Variants in MEGF10 observed in about 807,000 individuals in gnomAD.
MEGF10 encodes the protein multiple EGF like domains 10, also known as multiple epidermal growth factor-like domains protein 10.
Under a neutral mutation model 147.5 loss-of-function variants are expected in MEGF10, and 86 were observed. The observed-to-expected ratio is 0.58, with a 90% CI of 0.49 to 0.70. The LOEUF (loss-of-function observed/expected upper bound fraction) is 0.70, where lower values mean the gene tolerates loss of function less well. Ranked by LOEUF, MEGF10 falls within the 30% of genes least tolerant of loss-of-function variation. The pLI is 0.00. For missense variants in MEGF10, 1,329 were observed against 1,487.3 expected, an observed-to-expected ratio of 0.89 and a Z score of 1.75; for synonymous variants, 478 against 525.5, an observed-to-expected ratio of 0.91 and a Z score of 1.24.
At chr5:127,230,634 A>G in the MEGF10 span, among the ~76,000 whole-genome samples, 1 of 152,212 alleles carries the variant, frequency 6.6e-6, no homozygotes, top group Non-Finnish European at 1.5e-5. Context: ...GTTATATTCC[A>G]GGCTCCTTAC....
intron 1 of MEGF10, among the ~76,000 whole-genome samples, chr5:127,312,083 C>T (rs1760312242): frequency 6.6e-6 from 1 of 152,198 alleles, no homozygotes; most frequent in African/African-American, 2.4e-5. Context: ...TCAGCCCCCA[C>T]CTCGTCTCGC....
intron 1 of MEGF10, among the ~76,000 whole-genome samples, chr5:127,300,784 A>G: frequency 6.6e-6 from 1 of 152,188 alleles, no homozygotes; most frequent in East Asian, 1.9e-4. Flanking sequence ...ACAGTCAGAG[A>G]GCTGTGTGTC....
Position 127,339,239 on chromosome 5 carries a change from ATG to A in MEGF10, c.218+20_218+21del, listed in dbSNP as rs1296633819. ...CGGCACAGGTAATAGAAGCTCAGGC[ATG>A]TTTGTGAGTTTGGCTAACTGGGAAT... On this transcript the variant is annotated intron_variant, in intron 3 of 24. Coordinates refer to ENST00000503335, the MANE Select transcript of MEGF10 (RefSeq NM_001256545.2). 1 of 1,569,070 alleles carries A rather than the reference ATG, an allele frequency of 6.4e-7. No homozygotes were observed.
At chr5:127,248,975 A>C in the MEGF10 span, among the ~76,000 whole-genome samples, 3 of 152,020 alleles carry the variant, frequency 2.0e-5, no homozygotes, top group African/African-American at 7.2e-5. Flanking sequence ...AGAAATGCTA[A>C]AGAAAGTTCA....
intron 7 of MEGF10, 79 bp from the exon 8 acceptor site, chr5:127,402,467 C>T (rs1764168535): frequency 2.2e-5 from 32 of 1,478,028 alleles, no homozygotes; most frequent in South Asian, 4.2e-5. Context: ...TTTCTATTTC[C>T]TCTCTTTTCT....
intron 4 of MEGF10, among the ~76,000 whole-genome samples, chr5:127,354,018 T>C (rs1294689733): frequency 6.6e-6 from 1 of 152,236 alleles, no homozygotes; most frequent in Non-Finnish European, 1.5e-5. Context: ...GATTTCCTGT[T>C]CTTAACAGAA....
chr5:127,265,203 T>C, the MEGF10 span, among the ~76,000 whole-genome samples: 2 of 152,192 alleles, frequency 1.3e-5, no homozygotes, highest in Non-Finnish European at 2.9e-5. Context: ...TTGCTGAGAA[T>C]GATGGTTTCC....
intron 18 of MEGF10, among the ~76,000 whole-genome samples, chr5:127,442,745 T>C (rs911757881): frequency 6.6e-6 from 1 of 152,184 alleles, no homozygotes; most frequent in Admixed American, 6.5e-5. Flanking sequence ...TAGAGGTAAG[T>C]ATGTAGCAGC....
chr5:127,398,998 C>CT (rs1452341534), intron 7 of MEGF10, among the ~76,000 whole-genome samples: 4 of 152,196 alleles, frequency 2.6e-5, no homozygotes, highest in Non-Finnish European at 5.9e-5. Context: ...TAGTCCTAGA[C>CT]TTGAAGTGCA....
the MEGF10 span, among the ~76,000 whole-genome samples, chr5:127,282,959 T>C: frequency 5.3e-5 from 8 of 152,216 alleles, no homozygotes; most frequent in African/African-American, 1.9e-4. Context: ...ACCAGATTGG[T>C]TCAGCTCTGA....
chr5:127,384,349 G>A (rs1763357122), intron 5 of MEGF10, among the ~76,000 whole-genome samples: 1 of 152,178 alleles, frequency 6.6e-6, no homozygotes, highest in Non-Finnish European at 1.5e-5. Flanking sequence ...ATAAAAATAT[G>A]ACAAGACTTT....
chr5:127,435,521 G>A (rs750427784), intron 16 of MEGF10, 32 bp downstream of exon 16: 2 of 1,576,158 alleles, frequency 1.3e-6, no homozygotes, highest in Admixed American at 1.8e-5. Context: ...TTAATAAACT[G>A]TTCTTATTTG....
chr5:127,440,993 T>C, intron 18 of MEGF10, 126 bp downstream of exon 18: 1 of 1,251,306 alleles, frequency 8.0e-7, no homozygotes, highest in South Asian at 1.4e-5. Context: ...GGCTGGTTAC[T>C]TCTCAGCATG....
intron 4 of MEGF10, among the ~76,000 whole-genome samples, chr5:127,345,672 T>C (rs747336104): frequency 2.6e-5 from 4 of 152,170 alleles, no homozygotes; most frequent in Admixed American, 6.6e-5. Context: ...AATTTAGACA[T>C]GTTTCATTAT....
chr5:127,246,964 TA>T, the MEGF10 span, among the ~76,000 whole-genome samples: 1 of 1,876 alleles, frequency 5.3e-4, no homozygotes, highest in Non-Finnish European at 1.2e-3. Context: ...AAATAATATA[TA>T]ATAATATATG....
chr5:127,298,783 G>A (rs1232965859), intron 1 of MEGF10, among the ~76,000 whole-genome samples: 3 of 152,148 alleles, frequency 2.0e-5, no homozygotes, highest in East Asian at 1.9e-4. Context: ...GTAACACAAC[G>A]CTGTTCATGT....
chr5:127,381,969 C>T (rs372946525), intron 5 of MEGF10, among the ~76,000 whole-genome samples: 5 of 152,176 alleles, frequency 3.3e-5, no homozygotes, highest in Non-Finnish European at 7.3e-5. Flanking sequence ...CCGCACCCAG[C>T]CTGTTCTGGT....
chr5:127,432,967 G>C (rs1195037460), intron 13 of MEGF10, among the ~76,000 whole-genome samples: 1 of 151,986 alleles, frequency 6.6e-6, no homozygotes, highest in African/African-American at 2.4e-5. Flanking sequence ...ACTGTTCATT[G>C]CCTTATCCTT....
chr5:127,447,322 C>G (rs953038949), intron 20 of MEGF10, among the ~76,000 whole-genome samples: 1 of 152,090 alleles, frequency 6.6e-6, no homozygotes, highest in Non-Finnish European at 1.5e-5. Flanking sequence ...ACTACAGGCG[C>G]ATGCTACCGT....
Sources: allele counts gnomAD v4.1 joint callset (sites outside exome capture counted in the v4.1 genomes callset), GRCh38; gene constraint gnomAD v4.1.1; transcripts MANE v1.5; gene names NCBI Gene and HGNC (gene_info 2026-07-23, HGNC 2026-07-21).